The following TTC28 variants were observed in gnomAD, a reference collection of about 807,000 sequenced individuals.
The protein encoded by TTC28 is tetratricopeptide repeat domain 28, also known as tetratricopeptide repeat protein 28.
A neutral mutation model predicts 198.0 loss-of-function variants in TTC28; 61 were observed. The ratio of observed to expected loss-of-function variants is 0.31; its 90% CI spans 0.25 to 0.38. The LOEUF is 0.38. Ranked by LOEUF, TTC28 falls within the 10% of genes least tolerant of loss-of-function variation. The probability of loss-of-function intolerance (pLI) is 1.00; values close to 1 mark genes in which losing one functional copy is unlikely to be tolerated. For synonymous variants in TTC28, 1,171 were observed against 1,297.8 expected (o/e 0.90, Z 2.10); for missense variants, 2,678 against 3,164.0 (o/e 0.85, Z 3.69).
At chr22:28,309,435 G>C (rs938763467) in intron 2 of TTC28, among the ~76,000 whole-genome samples, 3 of 152,308 alleles carry the variant, frequency 2.0e-5, no homozygotes, top group African/African-American at 7.2e-5. Flanking sequence ...TTCTGAGCGA[G>C]ATAACAGCCA....
At position 28,318,652 on chromosome 22, in the gene TTC28, A is replaced by G. The variant is rs754408542; in HGVS notation, c.382-12009T>C. ...TTAGAACTGGAACCTCTTTTTGAAA[A>G]GATATAAAACATGTTGTATTTTTAT... On this transcript the variant is annotated intron_variant, in intron 2 of 22. Transcript: ENST00000397906. Among the ~76,000 whole-genome samples the G allele has an allele frequency of 4.5e-4, 68 of 152,106 alleles. 1 individual carries two copies. The highest frequency in any genetic ancestry group is 2.4e-4 in the Non-Finnish European group (16 of 68,032).
At chr22:28,489,410 T>C (rs934983448) in intron 2 of TTC28, among the ~76,000 whole-genome samples, 15 of 152,182 alleles carry the variant, frequency 9.9e-5, no homozygotes, top group African/African-American at 3.6e-4. Flanking sequence ...TGAAGACATA[T>C]TCCTCAAAAA....
intron 14 of TTC28, among the ~76,000 whole-genome samples, chr22:28,003,454 C>T (rs949043354): frequency 1.3e-5 from 2 of 152,162 alleles, no homozygotes; most frequent in East Asian, 1.9e-4. Flanking sequence ...GTTCCAGAGT[C>T]GCAGGGCTTT....
intron 5 of TTC28, among the ~76,000 whole-genome samples, chr22:28,235,102 C>T (rs1322215851): frequency 6.6e-6 from 1 of 152,192 alleles, no homozygotes; most frequent in African/African-American, 2.4e-5. Flanking sequence ...AGAGATGAAA[C>T]AGCTCTCCCA....
intron 12 of TTC28, among the ~76,000 whole-genome samples, chr22:28,040,693 T>G (rs1939594229): frequency 6.6e-6 from 1 of 152,218 alleles, no homozygotes; most frequent in South Asian, 2.1e-4. Flanking sequence ...GGATGCCCTC[T>G]GTCACCACTC....
In TTC28 at chr22:28,486,790, TAGG is replaced by T. The variant is rs1414558011; in HGVS notation, c.381+142759_381+142761del. On this transcript the variant is annotated intron_variant, in intron 2 of 22. Transcript: ENST00000397906. ...AATCTCTTGCAACTCCATTTTCACG[TAGG>T]TACAAAATGAAGGATACAACAGCAC... Among the ~76,000 whole-genome samples, 3 of 152,128 alleles carry T rather than the reference TAGG, an allele frequency of 2.0e-5. No individual in the cohort carries two copies. The East Asian group carries it at 5.8e-4, about 29-fold the overall frequency.
chr22:28,623,924 A>G lies in TTC28; in HGVS notation c.381+5628T>C, dbSNP rs958126106. Among the ~76,000 whole-genome samples, 5 of 152,242 alleles carry G rather than the reference A, an allele frequency of 3.3e-5. No homozygotes were observed. In the East Asian group the frequency reaches 9.7e-4, roughly 29 times the overall value. On this transcript the variant is annotated intron_variant, in intron 2 of 22. Transcript: ENST00000397906. ...GAGAAATATTCAGCTATAAATGCTC[A>G]TATTTTAAAAAAAAAGAAAGATCTA... is the stretch of plus-strand genomic sequence containing the variant.
At chr22:28,156,764 C>T (rs1208969731) in intron 6 of TTC28, among the ~76,000 whole-genome samples, 1 of 152,140 alleles carries the variant, frequency 6.6e-6, no homozygotes, top group African/African-American at 2.4e-5. Flanking sequence ...TGTACTGGAG[C>T]AGTTGTCAAA....
intron 6 of TTC28, among the ~76,000 whole-genome samples, chr22:28,151,479 T>C (rs1943607459): frequency 6.6e-6 from 1 of 152,216 alleles, no homozygotes. Flanking sequence ...TGCTCACATG[T>C]TTACAGATGC....
intron 2 of TTC28, 55 bp downstream of exon 2, chr22:28,629,497 G>T: frequency 6.9e-7 from 1 of 1,451,162 alleles, no homozygotes; most frequent in South Asian, 1.4e-5. Flanking sequence ...ATTAAAGTAA[G>T]AAGCCAGGAC....
intron 12 of TTC28, among the ~76,000 whole-genome samples, chr22:28,079,703 T>C (rs1051558840): frequency 6.6e-6 from 1 of 152,182 alleles, no homozygotes; most frequent in Non-Finnish European, 1.5e-5. Context: ...AATTCATCCA[T>C]GGTGTAGCAT....
At chr22:28,301,011 A>G (rs34108858) in intron 3 of TTC28, among the ~76,000 whole-genome samples, 77 of 152,296 alleles carry the variant, frequency 5.1e-4, no homozygotes, top group Non-Finnish European at 8.2e-4. Flanking sequence ...ATGTATGTCA[A>G]TGTGTACAGA....
chr22:28,610,821 T>C (rs370509589), intron 2 of TTC28, among the ~76,000 whole-genome samples: 4 of 152,056 alleles, frequency 2.6e-5, no homozygotes, highest in South Asian at 4.2e-4. Context: ...GCTAAGAACC[T>C]TGAAAAAAGG....
intron 5 of TTC28, among the ~76,000 whole-genome samples, chr22:28,202,617 A>C (rs1188900085): frequency 6.6e-6 from 1 of 152,118 alleles, no homozygotes; most frequent in Non-Finnish European, 1.5e-5. Context: ...ATAAAGCTAT[A>C]AAGATGTCAA....
chr22:27,985,149 T>C, intron 22 of TTC28, 100 bp downstream of exon 22: 1 of 848,816 alleles, frequency 1.2e-6, no homozygotes, highest in Non-Finnish European at 1.8e-6. Flanking sequence ...AAATGTTGAT[T>C]CACTTTTCTT....
intron 12 of TTC28, among the ~76,000 whole-genome samples, chr22:28,068,885 C>T (rs1390309067): frequency 6.6e-6 from 1 of 152,176 alleles, no homozygotes. Flanking sequence ...CCCTTGCTCT[C>T]AAATTCACTA....
chr22:28,659,620 G>A (rs1172793852), intron 1 of TTC28, among the ~76,000 whole-genome samples: 1 of 152,000 alleles, frequency 6.6e-6, no homozygotes, highest in Non-Finnish European at 1.5e-5. Context: ...GAATATGCCT[G>A]GTGTGGTGGC....
At chr22:28,385,089 C>T (rs1569295772) in intron 2 of TTC28, among the ~76,000 whole-genome samples, 1 of 147,180 alleles carries the variant, frequency 6.8e-6, no homozygotes, top group East Asian at 2.0e-4. Context: ...TGCAGTGAGC[C>T]GAGATTGCGC....
chr22:28,111,357 C>T (rs1196787785), intron 6 of TTC28, among the ~76,000 whole-genome samples: 1 of 152,008 alleles, frequency 6.6e-6, no homozygotes, highest in African/African-American at 2.4e-5. Context: ...ATCTAAGCTT[C>T]CCGAGAGGAA....
Sources: allele counts gnomAD v4.1 joint callset (sites outside exome capture counted in the v4.1 genomes callset), GRCh38; gene constraint gnomAD v4.1.1; transcripts MANE v1.5; gene names NCBI Gene and HGNC (gene_info 2026-07-23, HGNC 2026-07-21).